The following JAK2 variants were observed in gnomAD, a reference collection of about 807,000 sequenced individuals.
JAK2 encodes the protein Janus kinase 2, also known as tyrosine-protein kinase JAK2.
Under a neutral mutation model 139.3 loss-of-function variants are expected in JAK2, and 86 were observed. The observed-to-expected ratio is 0.62, with a 90% CI of 0.52 to 0.74. The LOEUF (loss-of-function observed/expected upper bound fraction) is 0.74. Among genes scored for constraint, JAK2 ranks in the 30% least tolerant of loss-of-function variants. JAK2 has a pLI of 0.00. For synonymous variants in JAK2, 490 were observed against 437.7 expected, an observed-to-expected ratio of 1.12 and a Z score of -1.49; for missense variants, 1,421 against 1,360.3, an observed-to-expected ratio of 1.04 and a Z score of -0.70.
At chr9:4,997,668 G>C (rs1440016349) in intron 2 of JAK2, among the ~76,000 whole-genome samples, 1 of 152,130 alleles carries the variant, frequency 6.6e-6, no homozygotes, top group East Asian at 1.9e-4. Flanking sequence ...GTACCCCTCA[G>C]CCTCATTTTA....
At chr9:5,102,216 A>G (rs1039725779) in intron 22 of JAK2, among the ~76,000 whole-genome samples, 12 of 152,174 alleles carry the variant, frequency 7.9e-5, no homozygotes, top group Admixed American at 7.2e-4. Flanking sequence ...GGAGCTGAAA[A>G]CCATGGCATG....
chr9:5,081,231 T>C (rs753128318), intron 18 of JAK2, among the ~76,000 whole-genome samples: 1 of 150,766 alleles, frequency 6.6e-6, no homozygotes, highest in African/African-American at 2.5e-5. Context: ...AATTTTAGTT[T>C]TCCATTTAGT....
At chr9:4,999,104 C>T (rs1243351866) in intron 2 of JAK2, among the ~76,000 whole-genome samples, 2 of 152,106 alleles carry the variant, frequency 1.3e-5, no homozygotes, top group Non-Finnish European at 2.9e-5. Flanking sequence ...GGATTACAGG[C>T]GTGAGCCACC....
At chr9:5,044,573 G>A in intron 5 of JAK2, 53 bp downstream of exon 5, 1 of 1,116,868 alleles carries the variant, frequency 9.0e-7, no homozygotes, top group Non-Finnish European at 1.3e-6. Context: ...ATATCTTGCT[G>A]TTTAATAAGT....
At chr9:5,036,144 G>C (rs1305865857) in intron 4 of JAK2, among the ~76,000 whole-genome samples, 1 of 151,514 alleles carries the variant, frequency 6.6e-6, no homozygotes, top group Non-Finnish European at 1.5e-5. Flanking sequence ...GCTTCAAAGA[G>C]AATACCTAGG....
At chr9:5,068,040 G>A (rs1395642958) in intron 10 of JAK2, among the ~76,000 whole-genome samples, 1 of 151,966 alleles carries the variant, frequency 6.6e-6, no homozygotes, top group Non-Finnish European at 1.5e-5. Flanking sequence ...CGCACCTGTA[G>A]TCCCAGCTAC....
At chr9:5,081,231 T>A (rs753128318) in intron 18 of JAK2, among the ~76,000 whole-genome samples, 1 of 150,766 alleles carries the variant, frequency 6.6e-6, no homozygotes, top group East Asian at 1.9e-4. Context: ...AATTTTAGTT[T>A]TCCATTTAGT....
chr9:5,023,024 A>T (rs1221892592), intron 3 of JAK2, among the ~76,000 whole-genome samples: 1 of 152,206 alleles, frequency 6.6e-6, no homozygotes, highest in Non-Finnish European at 1.5e-5. Context: ...GTACATTTCA[A>T]GTTCCTTCTA....
At chr9:4,997,741 G>T (rs189452987) in intron 2 of JAK2, among the ~76,000 whole-genome samples, 4 of 152,278 alleles carry the variant, frequency 2.6e-5, no homozygotes, top group Admixed American at 2.0e-4. Context: ...ATTAGGAGTG[G>T]ATTTTAGGAC....
Position 5,064,923 on chromosome 9 carries a change from T to G in JAK2, c.1097T>G (p.Val366Gly). The change falls in exon 9 of 25, where the codon GTG becomes GGG. Residue 366 changes from valine (V) to glycine (G), a missense_variant. Transcript: ENST00000381652. ...TCATTAAGGGAAGCTTTGTCTTTCG[T>G]GTCATTAATTGATGGATATTATAGA... ...LSSLREALSF[V>G]SLIDGYYRLT... 6.3e-7 allele frequency: 1 copy of G among 1,597,192 alleles called. No individual in the cohort carries two copies. The highest frequency in any genetic ancestry group is 8.5e-7 in the Non-Finnish European group (1 of 1,171,530).
At chr9:5,083,215 A>T (rs911564141) in intron 19 of JAK2, among the ~76,000 whole-genome samples, 1 of 152,102 alleles carries the variant, frequency 6.6e-6, no homozygotes, top group Non-Finnish European at 1.5e-5. Flanking sequence ...AATTAATCTT[A>T]TTGCTTAGGG....
chr9:5,114,327 G>A (rs894733034), intron 22 of JAK2: 2 of 539,080 alleles, frequency 3.7e-6, no homozygotes, highest in African/African-American at 3.8e-5. Flanking sequence ...GAAGTCTGTG[G>A]CTCAGGTCAT....
At chr9:5,070,095 AAAC>A (rs762113191) in intron 12 of JAK2, 43 bp downstream of exon 12, 4 of 1,410,836 alleles carry the variant, frequency 2.8e-6, no homozygotes, top group East Asian at 2.4e-5. Flanking sequence ...TGTCCTTTTA[AAAC>A]AACATCTGTT....
chr9:5,121,897 G>A (rs1285478638), intron 22 of JAK2, among the ~76,000 whole-genome samples: 1 of 152,106 alleles, frequency 6.6e-6, no homozygotes, highest in Non-Finnish European at 1.5e-5. Context: ...TATTTTGCAA[G>A]GAGTGAGGGA....
chr9:5,080,296 A>C lies in JAK2; in HGVS notation c.2199A>C (p.Ala733=). ...AAAATCCTAAAAATTTAAATTTGGC[A>C]ACAGACAAATGGAGTTTTGGTACCA... The part of the protein sequence containing the change: ...CIENPKNLNL[A]TDKWSFGTTL... Residue 733 remains alanine (A), a synonymous_variant, in exon 17 of 25, where the codon GCA becomes GCC. Coordinates refer to ENST00000381652, the MANE Select transcript of JAK2 (RefSeq NM_004972.4). The C allele has an allele frequency of 6.2e-7, 1 of 1,613,438 alleles. No homozygotes were observed. Among genetic ancestry groups the C allele is most frequent in the Non-Finnish European group, 8.5e-7 (1 of 1,179,402 alleles).
chr9:4,993,686 A>C (rs1249398658), intron 2 of JAK2, among the ~76,000 whole-genome samples: 1 of 152,160 alleles, frequency 6.6e-6, no homozygotes. Context: ...GGCTCCCATG[A>C]AGTTTCCTCA....
intron 8 of JAK2, among the ~76,000 whole-genome samples, chr9:5,060,646 T>A (rs1402958897): frequency 6.6e-6 from 1 of 152,138 alleles, no homozygotes; most frequent in Non-Finnish European, 1.5e-5. Flanking sequence ...TACCACATCC[T>A]AGTGACTTCC....
chr9:5,056,455 G>T (rs1390783212), intron 8 of JAK2, among the ~76,000 whole-genome samples: 4 of 151,932 alleles, frequency 2.6e-5, no homozygotes, highest in Non-Finnish European at 5.9e-5. Flanking sequence ...TTTATCTTAA[G>T]TATTTATATG....
chr9:5,094,012 G>C (rs777494481), intron 22 of JAK2: 2 of 152,114 alleles, frequency 1.3e-5, no homozygotes, highest in African/African-American at 4.8e-5. Flanking sequence ...ACACACCCAA[G>C]AACAGGGTTT....
Sources: allele counts gnomAD v4.1 joint callset (sites outside exome capture counted in the v4.1 genomes callset), GRCh38; gene constraint gnomAD v4.1.1; transcripts MANE v1.5; gene names NCBI Gene and HGNC (gene_info 2026-07-23, HGNC 2026-07-21).